NAA11: variants seen among roughly 807,000 people sequenced by gnomAD.
NAA11 encodes N-alpha-acetyltransferase 11, NatA catalytic subunit.
NAA11 carries 15 observed loss-of-function variants against 16.1 expected under a neutral mutation model. That is an observed-to-expected ratio of 0.93 (90% CI 0.62 to 1.44). The LOEUF is 1.44. NAA11 is among the 40% of genes most tolerant of loss of function. The pLI is 0.00. For synonymous variants in NAA11, 122 were observed against 112.4 expected (o/e 1.09, Z -0.54); for missense variants, 298 against 291.3 (o/e 1.02, Z -0.17).
At chr4:79,274,325 G>A (rs1722569773) in intron 2 of NAA11, among the ~76,000 whole-genome samples, 1 of 152,016 alleles carries the variant, frequency 6.6e-6, no homozygotes, top group South Asian at 2.1e-4. Context: ...AGAACAAGAG[G>A]TGAAGTACAG....
chr4:79,325,095 A>G (rs2110020265), intron 1 of NAA11, 81 bp downstream of exon 1: 1 of 1,275,454 alleles, frequency 7.8e-7, no homozygotes, highest in Non-Finnish European at 1.1e-6. Flanking sequence ...GAATGGGGTA[A>G]GACAGGATGG....
At chr4:79,282,994 A>G (rs1384284475) in intron 2 of NAA11, among the ~76,000 whole-genome samples, 4 of 152,106 alleles carry the variant, frequency 2.6e-5, no homozygotes, top group African/African-American at 9.7e-5. Flanking sequence ...CCAAACTCAG[A>G]GAGGCTTTTG....
At chr4:79,244,561 A>C (rs187122113) in intron 2 of NAA11, 22 of 150,884 alleles carry the variant, frequency 1.5e-4, no homozygotes, top group Non-Finnish European at 3.0e-4. Context: ...AAGTAAACTA[A>C]AATGTAAGCA....
chr4:79,227,839 T>C (rs754049702), intron 2 of NAA11: 1 of 152,038 alleles, frequency 6.6e-6, no homozygotes, highest in African/African-American at 2.4e-5. Flanking sequence ...CTTCCTCATA[T>C]TAATTGCCAT....
At chr4:79,255,858 T>C (rs934112206) in intron 2 of NAA11, among the ~76,000 whole-genome samples, 11 of 152,232 alleles carry the variant, frequency 7.2e-5, no homozygotes, top group African/African-American at 2.7e-4. Context: ...TATACCCACT[T>C]TTAATGGCAT....
At chr4:79,210,495 A>G in the NAA11 span, among the ~76,000 whole-genome samples, 1 of 152,090 alleles carries the variant, frequency 6.6e-6, no homozygotes, top group African/African-American at 2.4e-5. Flanking sequence ...AGGGATCATA[A>G]TGGCTTCACC....
chr4:79,276,287 AC>A lies in NAA11; in HGVS notation c.*122+17717del, dbSNP rs1722642978. Among the ~76,000 whole-genome samples the A allele has an allele frequency of 5.9e-5, 9 of 152,144 alleles. No homozygotes were observed. In the South Asian group the frequency reaches 1.7e-3, roughly 28 times the overall value. On this transcript the variant is annotated intron_variant and NMD_transcript_variant, in intron 2 of 2. Transcript: ENST00000511542. ...TAAAAGATAATAAAAGACAATGGAG[AC>A]TGATAAGTCCTCAAAGACATGTCTG... is the stretch of plus-strand genomic sequence containing the variant.
At chr4:79,233,577 G>A (rs1721510737) in intron 2 of NAA11, among the ~76,000 whole-genome samples, 1 of 151,894 alleles carries the variant, frequency 6.6e-6, no homozygotes, top group African/African-American at 2.4e-5. Context: ...CTCTGCTATT[G>A]TACCCTGAAA....
At chr4:79,284,539 A>G (rs550578516) in intron 2 of NAA11, among the ~76,000 whole-genome samples, 25 of 152,084 alleles carry the variant, frequency 1.6e-4, no homozygotes, top group Admixed American at 3.3e-4. Flanking sequence ...AACAGATTCT[A>G]GTTATTGTTG....
chr4:79,287,248 TTTAA>T (rs1335532032), intron 2 of NAA11, among the ~76,000 whole-genome samples: 1 of 152,150 alleles, frequency 6.6e-6, no homozygotes, highest in Non-Finnish European at 1.5e-5. Flanking sequence ...TATTAGGACA[TTTAA>T]TTAGACTCAG....
intron 2 of NAA11, among the ~76,000 whole-genome samples, chr4:79,289,156 A>G (rs1438400987): frequency 6.6e-6 from 1 of 152,214 alleles, no homozygotes; most frequent in Non-Finnish European, 1.5e-5. Flanking sequence ...TTTGACAGAC[A>G]TTGCCAAGTT....
chr4:79,186,457 T>C, the NAA11 span, among the ~76,000 whole-genome samples: 1 of 152,170 alleles, frequency 6.6e-6, no homozygotes, highest in East Asian at 1.9e-4. Context: ...GTAAAGACTT[T>C]GGGGACAAGA....
At chr4:79,301,726 A>G (rs1403638759) in intron 1 of NAA11, among the ~76,000 whole-genome samples, 1 of 152,220 alleles carries the variant, frequency 6.6e-6, no homozygotes, top group African/African-American at 2.4e-5. Flanking sequence ...CTCTAGCTAT[A>G]CGAGGGACCA....
chr4:79,325,191 G>T lies in NAA11; in HGVS notation c.687C>A (p.Ser229=), dbSNP rs1724223408. Reference sequence around the variant, plus strand: ...GACAGAATACCTTAAGCATGCTCTAGGAGGTGGAATCCGAGCTTTCTGAGC... The same window carrying T: ...GACAGAATACCTTAAGCATGCTCTATGAGGTGGAATCCGAGCTTTCTGAGC... ...QDSSESSDST[S] Residue 229 remains serine (S), a synonymous_variant, in exon 1 of 2, where the codon TCC becomes TCA. Coordinates refer to ENST00000286794, the MANE Select transcript of NAA11 (RefSeq NM_032693.3). 1.2e-6 allele frequency: 2 copies of T among 1,605,640 alleles called. No individual in the cohort carries two copies. The highest frequency in any genetic ancestry group is 2.2e-5 in the South Asian group (2 of 89,582).
chr4:79,225,085 C>G (rs112111309), downstream of NAA11, among the ~76,000 whole-genome samples: 541 of 151,946 alleles, frequency 3.6e-3, 6 homozygotes, highest in African/African-American at 0.012. Context: ...ATAAGGAAAT[C>G]AGAATATAAA....
chr4:79,263,596 G>C (rs1035036145), intron 2 of NAA11, among the ~76,000 whole-genome samples: 1 of 152,168 alleles, frequency 6.6e-6, no homozygotes, highest in African/African-American at 2.4e-5. Flanking sequence ...CAACAGGATT[G>C]TACGATTATG....
chr4:79,244,695 C>G (rs1721768761), intron 2 of NAA11: 1 of 145,352 alleles, frequency 6.9e-6, no homozygotes, highest in South Asian at 2.3e-4. Flanking sequence ...CAGGACTGTA[C>G]TGCCGCAATC....
chr4:79,276,083 A>G (rs1324010410), intron 2 of NAA11, among the ~76,000 whole-genome samples: 2 of 152,230 alleles, frequency 1.3e-5, no homozygotes, highest in East Asian at 3.9e-4. Context: ...AAGGGAATGC[A>G]TGGATTCTAC....
At chr4:79,259,656 A>C (rs1249763346) in intron 2 of NAA11, among the ~76,000 whole-genome samples, 1 of 152,232 alleles carries the variant, frequency 6.6e-6, no homozygotes, top group Non-Finnish European at 1.5e-5. Context: ...ATCCAGCCAG[A>C]AAGGTGACAC....
Sources: gnomAD v4.1 joint callset for allele counts (sites outside exome capture counted in the v4.1 genomes callset) on GRCh38, gnomAD v4.1.1 for gene constraint, MANE v1.5 for transcripts, NCBI Gene and HGNC (gene_info 2026-07-23, HGNC 2026-07-21) for gene names.